Variants in CYYR1 observed in about 807,000 individuals in gnomAD.
CYYR1 encodes cysteine and tyrosine-rich protein 1.
CYYR1 carries 14 observed loss-of-function variants against 15.2 expected under a neutral mutation model. The observed-to-expected ratio is 0.92, with a 90% confidence interval of 0.61 to 1.44. The LOEUF (loss-of-function observed/expected upper bound fraction) is 1.44, where lower values mean the gene tolerates loss of function less well. CYYR1 is among the 40% of genes most tolerant of loss of function. The probability of loss-of-function intolerance (pLI) is 0.00; values close to 1 mark genes in which losing one functional copy is unlikely to be tolerated. For missense variants in CYYR1, 228 were observed against 209.5 expected, an observed-to-expected ratio of 1.09 and a Z score of -0.54; for synonymous variants, 80 against 77.4, an observed-to-expected ratio of 1.03 and a Z score of -0.18.
intron 2 of CYYR1, among the ~76,000 whole-genome samples, chr21:26,500,396 G>A (rs1211634578): frequency 1.3e-5 from 2 of 152,174 alleles, no homozygotes; most frequent in Non-Finnish European, 2.9e-5. Flanking sequence ...AGTACCACCT[G>A]GAAGGGCAAT....
At chr21:26,535,391 G>A (rs2065982146) in intron 2 of CYYR1, among the ~76,000 whole-genome samples, 1 of 152,244 alleles carries the variant, frequency 6.6e-6, no homozygotes, top group Admixed American at 6.5e-5. Context: ...GCTTTAAGAG[G>A]GCTCATTGTT....
chr21:26,498,636 G>A (rs144698357), intron 2 of CYYR1, among the ~76,000 whole-genome samples: 3 of 152,172 alleles, frequency 2.0e-5, no homozygotes, highest in African/African-American at 7.2e-5. Flanking sequence ...TAGAGCTGTT[G>A]TATTAGTCTA....
chr21:26,556,532 T>C (rs1569175497), intron 2 of CYYR1, among the ~76,000 whole-genome samples: 2 of 152,164 alleles, frequency 1.3e-5, no homozygotes, highest in East Asian at 3.9e-4. Context: ...CTTAATTGAC[T>C]CATGGTTCCA....
chr21:26,539,185 T>C (rs1375636867), intron 2 of CYYR1, among the ~76,000 whole-genome samples: 1 of 152,186 alleles, frequency 6.6e-6, no homozygotes, highest in Admixed American at 6.5e-5. Context: ...TCATTCAAGT[T>C]CACAGACTCG....
intron 2 of CYYR1, among the ~76,000 whole-genome samples, chr21:26,548,722 A>G (rs1979160879): frequency 6.6e-6 from 1 of 152,212 alleles, no homozygotes; most frequent in South Asian, 2.1e-4. Context: ...ATAATTAATA[A>G]TAATGTAGAT....
At chr21:26,481,619 C>T (rs1012325926) in intron 2 of CYYR1, among the ~76,000 whole-genome samples, 1 of 151,846 alleles carries the variant, frequency 6.6e-6, no homozygotes, top group Non-Finnish European at 1.5e-5. Context: ...TTTCTTTATC[C>T]AGTCTGTCAC....
chr21:26,484,298 G>A (rs1242387914), intron 2 of CYYR1, among the ~76,000 whole-genome samples: 1 of 152,066 alleles, frequency 6.6e-6, no homozygotes, highest in Non-Finnish European at 1.5e-5. Flanking sequence ...AACTGAAAGT[G>A]CACATAAGGG....
intron 2 of CYYR1, chr21:26,483,532 G>T: frequency 1.8e-6 from 1 of 569,168 alleles, no homozygotes; most frequent in Non-Finnish European, 2.2e-6. Flanking sequence ...TTTTCCTTGG[G>T]GCTATTCATT....
At chr21:26,510,073 C>T (rs187548495) in intron 2 of CYYR1, among the ~76,000 whole-genome samples, 14 of 152,220 alleles carry the variant, frequency 9.2e-5, no homozygotes, top group Admixed American at 2.6e-4. Context: ...TTTAGGTATC[C>T]GCTCTGGAAC....
intron 3 of CYYR1, among the ~76,000 whole-genome samples, chr21:26,469,278 G>A (rs1289180874): frequency 6.6e-6 from 1 of 152,078 alleles, no homozygotes; most frequent in Non-Finnish European, 1.5e-5. Context: ...GAAAGAAGGG[G>A]TTGAGGTATT....
In CYYR1 at chr21:26,573,227, C is replaced by T. The variant is rs1218648563; in HGVS notation, c.-287G>A. 13 of 1,409,516 alleles carry T rather than the reference C, an allele frequency of 9.2e-6. No homozygotes were observed. In the African/African-American group the frequency reaches 1.8e-4, roughly 19 times the overall value. The allele number at this position is 1,409,516 out of a possible 1,614,324, so 87.3% of individuals were successfully genotyped here. On this transcript the variant is annotated 5_prime_UTR_variant, in exon 1 of 4. An upstream open reading frame in the 5' UTR gains an earlier in-frame stop. Coordinates refer to ENST00000652641, the MANE Select transcript of CYYR1 (RefSeq NM_001320768.2). Reference sequence around the variant, plus strand: ...TGCGCTCAGGCGCGGGGAAGGCGGCCACTCCGGCGTCCTTGGCCACCCAGG... The same window carrying T: ...TGCGCTCAGGCGCGGGGAAGGCGGCTACTCCGGCGTCCTTGGCCACCCAGG...
At chr21:26,546,077 C>A (rs1256111351) in intron 2 of CYYR1, among the ~76,000 whole-genome samples, 2 of 152,012 alleles carry the variant, frequency 1.3e-5, no homozygotes, top group South Asian at 4.1e-4. Context: ...TTTGTGGTAT[C>A]TTTTTCCAAA....
intron 2 of CYYR1, among the ~76,000 whole-genome samples, chr21:26,487,215 AAG>A (rs1434280944): frequency 6.6e-5 from 10 of 152,078 alleles, no homozygotes; most frequent in African/African-American, 2.4e-4. Context: ...AAAGTATCAG[AAG>A]AGAGAGTTCT....
chr21:26,542,700 A>G (rs1260364902), intron 2 of CYYR1, among the ~76,000 whole-genome samples: 2 of 152,226 alleles, frequency 1.3e-5, no homozygotes, highest in Non-Finnish European at 2.9e-5. Context: ...CTATTTGCAG[A>G]TAAGATTTTT....
intron 2 of CYYR1, among the ~76,000 whole-genome samples, chr21:26,542,127 T>C (rs1332223366): frequency 6.7e-6 from 1 of 150,282 alleles, no homozygotes; most frequent in Non-Finnish European, 1.5e-5. Context: ...GAAAGGTACT[T>C]TGAATACAAA....
chr21:26,493,066 T>A (rs1044754648), intron 2 of CYYR1, among the ~76,000 whole-genome samples: 4 of 152,080 alleles, frequency 2.6e-5, no homozygotes, highest in Non-Finnish European at 4.4e-5. Flanking sequence ...GAAGCACATT[T>A]CAGATCAAAA....
intron 2 of CYYR1, among the ~76,000 whole-genome samples, chr21:26,517,918 G>C (rs867392925): frequency 1.3e-5 from 2 of 152,088 alleles, no homozygotes; most frequent in Non-Finnish European, 2.9e-5. Context: ...GAACATACAG[G>C]TATTTCTTGG....
chr21:26,520,111 G>GATATATATATATATAT (rs1491365888), intron 2 of CYYR1, among the ~76,000 whole-genome samples: 1,635 of 82,562 alleles, frequency 0.02, 109 homozygotes, highest in African/African-American at 0.04. Flanking sequence ...AAAAACCCAG[G>GATATATATATATATAT]AGATATATAT....
intron 2 of CYYR1, among the ~76,000 whole-genome samples, chr21:26,511,843 CT>C (rs1431397783): frequency 6.6e-6 from 1 of 152,106 alleles, no homozygotes; most frequent in African/African-American, 2.4e-5. Flanking sequence ...ATCCAGAGAG[CT>C]GGTCATGGTG....
Sources: allele counts gnomAD v4.1 joint callset (sites outside exome capture counted in the v4.1 genomes callset), GRCh38; gene constraint gnomAD v4.1.1; transcripts MANE v1.5; gene names NCBI Gene and HGNC (gene_info 2026-07-23, HGNC 2026-07-21).